C17orf99: variants seen among roughly 807,000 people sequenced by gnomAD.
C17orf99 encodes the protein protein IL-40.
In C17orf99, 18 loss-of-function variants were observed where a neutral mutation model predicts 22.6. The observed-to-expected ratio is 0.80, with a 90% CI of 0.55 to 1.18. The LOEUF (loss-of-function observed/expected upper bound fraction) is 1.18, where lower values mean the gene tolerates loss of function less well. Among genes scored for constraint, C17orf99 ranks in the 50% most tolerant of loss-of-function variants. The probability of loss-of-function intolerance (pLI) is 0.00; values close to 1 mark genes in which losing one functional copy is unlikely to be tolerated. For synonymous variants in C17orf99, 147 were observed against 136.6 expected (o/e 1.08, Z -0.53); for missense variants, 328 against 342.7 (o/e 0.96, Z 0.34).
In C17orf99 at chr17:78,146,931, G is replaced by T. The variant is rs1431670401; in HGVS notation, c.70+20G>T. 4 of 1,550,176 alleles carry T rather than the reference G, an allele frequency of 2.6e-6. No homozygotes were observed. The East Asian group carries it at 7.3e-5, about 28-fold the overall frequency. On this transcript the variant is annotated intron_variant, in intron 2 of 4. Transcript: ENST00000340363. This position sits in a 1 kb window ranked among gnomAD's most constrained non-coding sequence, Gnocchi z 5.2. ...AGGAAGGTAAGTGGCATAGCCTGCT[G>T]CAGGGAGAAGTCCCCCAGCTGGGAC... is the stretch of plus-strand genomic sequence containing the variant.
At chr17:78,149,341 A>T (rs1440871962) in intron 2 of C17orf99, among the ~76,000 whole-genome samples, 1 of 133,254 alleles carries the variant, frequency 7.5e-6, no homozygotes, top group African/African-American at 2.5e-5. Context: ...CAAAAAAAAA[A>T]AAAAAAAAAA....
rs540717189 is a variant in C17orf99 at position 78,146,596 on chromosome 17, C to T, written c.37+152C>T. On this transcript the variant is annotated intron_variant, in intron 1 of 4. Coordinates refer to ENST00000340363, the MANE Select transcript of C17orf99 (RefSeq NM_001163075.2). This position sits in a 1 kb window ranked among gnomAD's most constrained non-coding sequence, Gnocchi z 5.2. ...GAGAGGGAAAGATCTGGGCTTGAGT[C>T]TCGGACCAGCCCCTAAACTTGCTGT... 2.6e-5 allele frequency among the ~76,000 whole-genome samples: 4 copies of T among 152,216 alleles called. No homozygotes were observed. The East Asian group carries it at 5.8e-4, about 22-fold the overall frequency.
intron 2 of C17orf99, among the ~76,000 whole-genome samples, chr17:78,147,355 C>T (rs1188055554): frequency 2.6e-5 from 4 of 152,194 alleles, no homozygotes; most frequent in African/African-American, 4.8e-5. Flanking sequence ...GGAGGAGGGC[C>T]GTGAGAGGAT....
intron 2 of C17orf99, among the ~76,000 whole-genome samples, chr17:78,152,493 C>T (rs1048548108): frequency 1.2e-4 from 18 of 152,080 alleles, no homozygotes; most frequent in African/African-American, 4.3e-4. Context: ...TGCCACCATG[C>T]CCAGCTAATT....
chr17:78,146,468 G>T lies in C17orf99; in HGVS notation c.37+24G>T, dbSNP rs1035245498. 1.3e-6 allele frequency: 2 copies of T among 1,548,822 alleles called. No homozygotes were observed. The highest frequency in any genetic ancestry group is 2.0e-5 in the Admixed American group (1 of 50,978). On this transcript the variant is annotated intron_variant, in intron 1 of 4. Coordinates refer to ENST00000340363, the MANE Select transcript of C17orf99 (RefSeq NM_001163075.2). This position sits in a 1 kb window ranked among gnomAD's most constrained non-coding sequence, Gnocchi z 5.2. The stretch of plus-strand genomic sequence containing the variant: ...GGGTGAGTCCACCAGGGACGTGATG[G>T]TGGGGCTGCTGCTGGGGCCTTGAGG...
chr17:78,150,001 G>A (rs573261028), intron 2 of C17orf99, among the ~76,000 whole-genome samples: 17 of 150,068 alleles, frequency 1.1e-4, no homozygotes, highest in African/African-American at 1.5e-4. Context: ...GAGCCACCAC[G>A]CCCGGAAGCT....
At chr17:78,148,710 G>A (rs946119770) in intron 2 of C17orf99, among the ~76,000 whole-genome samples, 1 of 152,192 alleles carries the variant, frequency 6.6e-6, no homozygotes, top group African/African-American at 2.4e-5. Flanking sequence ...GACCCTGTGT[G>A]GCCAGAACAC....
intron 2 of C17orf99, among the ~76,000 whole-genome samples, chr17:78,153,212 C>T (rs113058863): frequency 3.9e-5 from 6 of 152,056 alleles, no homozygotes; most frequent in East Asian, 1.9e-4. Flanking sequence ...CGGCCGGGGA[C>T]GGTGGCTCAC....
chr17:78,157,519 C>T, intron 2 of C17orf99: 1 of 1,138,216 alleles, frequency 8.8e-7, no homozygotes, highest in Non-Finnish European at 1.2e-6. Flanking sequence ...ACTTTGTAGG[C>T]CGGGCGCGGT....
At chr17:78,151,828 G>T (rs562716830) in intron 2 of C17orf99, among the ~76,000 whole-genome samples, 1 of 152,154 alleles carries the variant, frequency 6.6e-6, no homozygotes, top group South Asian at 2.1e-4. Context: ...AACCCTTAAC[G>T]GACGGCGGCT....
chr17:78,149,848 TACAGGCACATGCC>T (rs2075466410), intron 2 of C17orf99, among the ~76,000 whole-genome samples: 1 of 152,010 alleles, frequency 6.6e-6, no homozygotes, highest in African/African-American at 2.4e-5. Flanking sequence ...TAGCTGGGAC[TACAGGCACATGCC>T]ACCACGCCCA....
At chr17:78,151,475 A>C (rs551063490) in intron 2 of C17orf99, among the ~76,000 whole-genome samples, 3 of 151,730 alleles carry the variant, frequency 2.0e-5, no homozygotes, top group South Asian at 2.1e-4. Context: ...CCAAAAAACA[A>C]CACCAACAAG....
At chr17:78,165,362 T>C in intron 4 of C17orf99, 1 of 985,572 alleles carries the variant, frequency 1.0e-6, no homozygotes, top group Admixed American at 6.1e-5. Context: ...GTCTGTTCTT[T>C]CCAGAAGCCA....
chr17:78,158,108 G>T, intron 2 of C17orf99: 1 of 901,892 alleles, frequency 1.1e-6, no homozygotes, highest in Non-Finnish European at 1.8e-6. Flanking sequence ...CCTTGGCAAA[G>T]AGACTGAGCA....
chr17:78,165,957 A>T lies in C17orf99; in HGVS notation c.709A>T (p.Arg237Trp). ...CCCCATCCTTGCCTTGCCGCTCTAC[A>T]GGAGCACCCGCCGTCTGAGTGAAGA... ...ESPILALPLY[R>W]STRRLSEEEF... is the part of the protein sequence containing the mutation. Residue 237 changes from arginine (R) to tryptophan (W), a missense_variant, in exon 5 of 5, where the codon AGG becomes TGG. Arg to Trp is a moderately radical substitution (Grantham distance 101). Coordinates refer to ENST00000340363, the MANE Select transcript of C17orf99 (RefSeq NM_001163075.2). The T allele has an allele frequency of 6.6e-7, 1 of 1,506,286 alleles. No homozygotes were observed. Among genetic ancestry groups the T allele is most frequent in the Non-Finnish European group, 8.9e-7 (1 of 1,118,492 alleles). The allele number at this position is 1,506,286 out of a possible 1,614,324, so 93.3% of individuals were successfully genotyped here. A position where few individuals can be genotyped will look rare whatever the true frequency, so the allele number is the denominator to read the frequency against.
At chr17:78,162,385 T>C (rs938844303) in intron 3 of C17orf99, among the ~76,000 whole-genome samples, 1 of 150,784 alleles carries the variant, frequency 6.6e-6, no homozygotes, top group Non-Finnish European at 1.5e-5. Context: ...CCTGTTTCCA[T>C]CCTGATAGTA....
chr17:78,165,696 G>A, intron 4 of C17orf99, 193 bp from the exon 5 acceptor site: 1 of 972,580 alleles, frequency 1.0e-6, no homozygotes, highest in Non-Finnish European at 1.3e-6. Flanking sequence ...CAGCTACTCG[G>A]GAGACTGAGG....
At chr17:78,156,709 C>T (rs1489644067) in intron 2 of C17orf99, among the ~76,000 whole-genome samples, 2 of 152,168 alleles carry the variant, frequency 1.3e-5, no homozygotes, top group African/African-American at 4.8e-5. Context: ...CTCCCAAGCT[C>T]AAGTAAGTGA....
intron 2 of C17orf99, among the ~76,000 whole-genome samples, chr17:78,151,200 G>A (rs1049078993): frequency 1.8e-4 from 28 of 151,460 alleles, no homozygotes; most frequent in African/African-American, 5.3e-4. Context: ...CGAGGTGGGC[G>A]GATCACCTAA....
Sources: gnomAD v4.1 joint callset for allele counts (sites outside exome capture counted in the v4.1 genomes callset) on GRCh38, gnomAD v4.1.1 for gene constraint, Gnocchi (gnomAD v3.1) non-coding constraint, MANE v1.5 for transcripts, NCBI Gene and HGNC (gene_info 2026-07-23, HGNC 2026-07-21) for gene names.